The following ZP3 variants were observed in gnomAD, a reference collection of about 807,000 sequenced individuals.
ZP3 encodes the protein zona pellucida glycoprotein 3.
In ZP3, 21 loss-of-function variants were observed where a neutral mutation model predicts 35.6. The observed-to-expected ratio is 0.59, with a 90% confidence interval of 0.42 to 0.85. ZP3 has a LOEUF of 0.85. Ranked by LOEUF, ZP3 falls within the 40% of genes least tolerant of loss-of-function variation. The pLI, the probability that ZP3 is intolerant of heterozygous loss-of-function variation, is 0.00. For synonymous variants in ZP3, 207 were observed against 214.5 expected (o/e 0.96, Z 0.31); for missense variants, 437 against 536.5 (o/e 0.81, Z 1.83).
rs1484982670 is a variant in ZP3, at chr7:76,429,766, G to T, written c.431+133G>T. 6.4e-6 allele frequency: 5 copies of T among 787,028 alleles called. No homozygotes were observed. The African/African-American group carries it at 6.8e-5, about 11-fold the overall frequency. 48.8% of individuals were successfully genotyped at this position (787,028 alleles called of 1,614,324 possible). On this transcript the variant is annotated intron_variant, in intron 2 of 7. Coordinates refer to ENST00000394857, the MANE Select transcript of ZP3 (RefSeq NM_001110354.2). ...ACCTACCGAAGCATTTGCAGCTGTG[G>T]TTACTGTACTGCGTGGGATTGTGGG...
chr7:76,431,280 T>C (rs535189330), intron 2 of ZP3, among the ~76,000 whole-genome samples: 55 of 152,278 alleles, frequency 3.6e-4, no homozygotes, highest in Non-Finnish European at 6.8e-4. Flanking sequence ...CATGAGGGAC[T>C]GAAGCTGTCC....
intron 4 of ZP3, 66 bp downstream of exon 4, chr7:76,433,713 C>T: frequency 6.7e-7 from 1 of 1,493,128 alleles, no homozygotes; most frequent in Non-Finnish European, 9.1e-7. Flanking sequence ...ACCTGTTTGG[C>T]TTTTTGAGAC....
chr7:76,423,025 G>GAAAGAAAGAA (rs1554624492), upstream of ZP3, among the ~76,000 whole-genome samples: 289 of 75,796 alleles, frequency 3.8e-3, 2 homozygotes, highest in South Asian at 6.8e-3. Context: ...GAGAGAGAGA[G>GAAAGAAAGAA]AGAAAGAAAG....
At chr7:76,425,360 G>A in intron 1 of ZP3, 84 bp downstream of exon 1, 1 of 1,388,894 alleles carries the variant, frequency 7.2e-7, no homozygotes, top group Non-Finnish European at 9.7e-7. Flanking sequence ...ATCGGTGGGA[G>A]GTGGGGTTGG....
At chr7:76,398,815 T>C in intron 1 of ZP3, 1 of 1,610,522 alleles carries the variant, frequency 6.2e-7, no homozygotes, top group Non-Finnish European at 8.5e-7. Flanking sequence ...GGAAGTGAAG[T>C]GGATACAGGG....
At position 76,400,342 on chromosome 7, in the gene ZP3, C is replaced by T. The variant is rs772926816; in HGVS notation, c.-67+2545C>T. On this transcript the variant is annotated intron_variant, in intron 1 of 8. Transcript: ENST00000336517. ...AAAGCAATTGTGGACGCCCCAGCCGCGGCTGCCGCACTCGCTCAGCGCAGC... is the reference window on the plus strand; with the variant it reads ...AAAGCAATTGTGGACGCCCCAGCCGTGGCTGCCGCACTCGCTCAGCGCAGC... The T allele has an allele frequency of 1.4e-5, 22 of 1,526,414 alleles. No individual in the cohort carries two copies. Among genetic ancestry groups the T allele is most frequent in the Admixed American group, 6.3e-5 (3 of 47,898 alleles). The allele number at this position is 1,526,414 out of a possible 1,614,324, so 94.6% of individuals were successfully genotyped here.
At chr7:76,411,113 C>T (rs1271057099) in intron 1 of ZP3, among the ~76,000 whole-genome samples, 1 of 152,154 alleles carries the variant, frequency 6.6e-6, no homozygotes, top group Non-Finnish European at 1.5e-5. Context: ...CCCTCCTCCC[C>T]TGGCCTGGGG....
chr7:76,404,500 G>T, intron 1 of ZP3: 1 of 1,611,992 alleles, frequency 6.2e-7, no homozygotes, highest in Non-Finnish European at 8.5e-7. Context: ...GTCACAGTTG[G>T]AACATCTGAA....
At chr7:76,405,554 A>G (rs1010527857) in intron 1 of ZP3, among the ~76,000 whole-genome samples, 2 of 150,986 alleles carry the variant, frequency 1.3e-5, no homozygotes, top group Non-Finnish European at 2.9e-5. Flanking sequence ...AGGCTGAGGT[A>G]GGAGGATCAC....
intron 1 of ZP3, among the ~76,000 whole-genome samples, chr7:76,414,609 G>C (rs1805321945): frequency 6.7e-6 from 1 of 149,762 alleles, no homozygotes; most frequent in Non-Finnish European, 1.5e-5. Context: ...ATTCCATTTA[G>C]GACAGTTAGG....
chr7:76,433,404 C>T (rs1174716981), intron 3 of ZP3, 66 bp from the exon 4 acceptor site: 65 of 1,544,472 alleles, frequency 4.2e-5, no homozygotes, highest in Non-Finnish European at 5.3e-5. Context: ...ATCCACCTGC[C>T]TCAGCCTCCC....
intron 1 of ZP3, among the ~76,000 whole-genome samples, chr7:76,399,165 C>T (rs1804735573): frequency 6.6e-6 from 1 of 152,218 alleles, no homozygotes; most frequent in African/African-American, 2.4e-5. Context: ...GTGCCTGCCA[C>T]CATGCCCAGC....
At chr7:76,441,165 GTC>G (rs1045697659) in intron 7 of ZP3, among the ~76,000 whole-genome samples, 2 of 151,294 alleles carry the variant, frequency 1.3e-5, no homozygotes, top group African/African-American at 2.4e-5. Context: ...GAGTAAAACT[GTC>G]TCTCAAAAAA....
intron 1 of ZP3, among the ~76,000 whole-genome samples, chr7:76,405,351 T>TTG (rs1804987837): frequency 9.7e-6 from 1 of 103,620 alleles, no homozygotes; most frequent in African/African-American, 3.6e-5. Context: ...TTTTTTTTTT[T>TTG]TTTTTTTTTT....
intron 1 of ZP3, chr7:76,409,327 A>AGT (rs1563689254): frequency 0.03 from 686 of 23,212 alleles, 5 homozygotes; most frequent in African/African-American, 0.11. Flanking sequence ...TCTGTCTCAC[A>AGT]CACACACACA....
chr7:76,424,065 G>C (rs1805584524), upstream of ZP3, among the ~76,000 whole-genome samples: 1 of 152,078 alleles, frequency 6.6e-6, no homozygotes, highest in African/African-American at 2.4e-5. Flanking sequence ...AATTCCTCCT[G>C]TCTCCTAATT....
At chr7:76,433,121 GGTT>G (rs1805880836) in intron 3 of ZP3, 91 bp downstream of exon 3, 10 of 542,330 alleles carry the variant, frequency 1.8e-5, no homozygotes, top group South Asian at 1.3e-4. Context: ...TTGTTTGTTT[GGTT>G]TTGGTTTTGG....
chr7:76,429,348 T>C, intron 1 of ZP3, 167 bp from the exon 2 acceptor site: 1 of 645,172 alleles, frequency 1.5e-6, no homozygotes, highest in Non-Finnish European at 2.8e-6. Flanking sequence ...CAAGCAATCC[T>C]TGGCCTCCCA....
chr7:76,419,695 C>T (rs1022808076), intron 1 of ZP3, among the ~76,000 whole-genome samples: 16 of 93,816 alleles, frequency 1.7e-4, no homozygotes, highest in African/African-American at 8.5e-4. Flanking sequence ...CTTTCTCTCT[C>T]TCTCCCTTCC....
Sources: gnomAD v4.1 joint callset for allele counts (sites outside exome capture counted in the v4.1 genomes callset) on GRCh38, gnomAD v4.1.1 for gene constraint, MANE v1.5 for transcripts, NCBI Gene and HGNC (gene_info 2026-07-23, HGNC 2026-07-21) for gene names.